Variants in CNTNAP2 observed in about 807,000 individuals in gnomAD.
CNTNAP2 encodes the protein contactin associated protein 2, also known as contactin-associated protein-like 2.
Under a neutral mutation model 155.2 loss-of-function variants are expected in CNTNAP2, and 98 were observed. The observed-to-expected ratio is 0.63, with a 90% CI of 0.54 to 0.75. CNTNAP2 has a LOEUF of 0.75. CNTNAP2 is among the 30% of genes least tolerant of loss of function. CNTNAP2 has a pLI of 0.00. For missense variants in CNTNAP2, 1,727 were observed against 1,688.1 expected (o/e 1.02, Z -0.40); for synonymous variants, 651 against 631.2 (o/e 1.03, Z -0.47).
intron 10 of CNTNAP2, among the ~76,000 whole-genome samples, chr7:147,418,897 G>A (rs772905814): frequency 5.9e-5 from 9 of 152,248 alleles, no homozygotes; most frequent in South Asian, 4.1e-4. Context: ...TATTCTCACC[G>A]GGGAACAAAG....
At chr7:148,025,586 A>G (rs1027090843) in intron 15 of CNTNAP2, among the ~76,000 whole-genome samples, 6 of 152,340 alleles carry the variant, frequency 3.9e-5, no homozygotes, top group Middle Eastern at 3.4e-3. Context: ...TTAACCCATC[A>G]GGCTGCTATA....
chr7:147,403,861 T>A (rs6948780), intron 10 of CNTNAP2, among the ~76,000 whole-genome samples: 99,361 of 151,980 alleles, frequency 0.65, 33,833 homozygotes, highest in African/African-American at 0.86. Context: ...AGTGATGGTT[T>A]TTATGACAGA....
chr7:147,500,626 C>A (rs1267675476), intron 11 of CNTNAP2, among the ~76,000 whole-genome samples: 1 of 152,152 alleles, frequency 6.6e-6, no homozygotes, highest in Non-Finnish European at 1.5e-5. Context: ...TGCACAAACA[C>A]ACACACATAC....
chr7:146,508,161 C>T (rs917304323), intron 1 of CNTNAP2, among the ~76,000 whole-genome samples: 2 of 152,206 alleles, frequency 1.3e-5, no homozygotes, highest in Non-Finnish European at 2.9e-5. Flanking sequence ...CCTCCTCTAA[C>T]ATCTTACTAG....
chr7:147,229,700 T>C (rs372748238), intron 8 of CNTNAP2, among the ~76,000 whole-genome samples: 43 of 152,212 alleles, frequency 2.8e-4, no homozygotes, highest in African/African-American at 9.6e-4. Context: ...GCATTGAAAA[T>C]ATGTTCTTGT....
chr7:146,981,393 C>G (rs1487338551), intron 3 of CNTNAP2, among the ~76,000 whole-genome samples: 1 of 151,974 alleles, frequency 6.6e-6, no homozygotes, highest in African/African-American at 2.4e-5. Context: ...AAATATAAAC[C>G]CTTTTTACTG....
intron 10 of CNTNAP2, among the ~76,000 whole-genome samples, chr7:147,433,983 TCTA>T (rs1797506980): frequency 6.6e-6 from 1 of 152,204 alleles, no homozygotes; most frequent in African/African-American, 2.4e-5. Context: ...AGAAGCTTTT[TCTA>T]CTTTGTATAA....
intron 9 of CNTNAP2, among the ~76,000 whole-genome samples, chr7:147,335,865 G>C (rs1025184966): frequency 7.8e-6 from 1 of 128,650 alleles, no homozygotes; most frequent in African/African-American, 2.7e-5. Context: ...CTGTACAAAT[G>C]TGATGTGAAA....
chr7:147,939,687 AG>A (rs966156613), intron 14 of CNTNAP2, among the ~76,000 whole-genome samples: 2 of 152,200 alleles, frequency 1.3e-5, no homozygotes, highest in African/African-American at 2.4e-5. Flanking sequence ...ACACATAAAA[AG>A]GAGGCCTTTA....
intron 1 of CNTNAP2, among the ~76,000 whole-genome samples, chr7:146,356,988 C>G (rs1408865202): frequency 3.9e-5 from 6 of 152,124 alleles, no homozygotes; most frequent in Non-Finnish European, 8.8e-5. Flanking sequence ...GCACAGCTTC[C>G]TTTCTGCAAA....
intron 1 of CNTNAP2, among the ~76,000 whole-genome samples, chr7:146,162,502 A>G (rs1798239827): frequency 1.3e-5 from 2 of 152,202 alleles, no homozygotes; most frequent in East Asian, 1.9e-4. Context: ...AAAAGTCAGG[A>G]AACAACAGGT....
chr7:146,397,962 T>C (rs1639487), intron 1 of CNTNAP2, among the ~76,000 whole-genome samples: 25,973 of 149,910 alleles, frequency 0.17, 3,488 homozygotes, highest in African/African-American at 0.38. Flanking sequence ...CAGCCTCAAA[T>C]TCTTGGGCTC....
At chr7:147,887,161 TC>T (rs1799615765) in intron 13 of CNTNAP2, among the ~76,000 whole-genome samples, 1 of 152,096 alleles carries the variant, frequency 6.6e-6, no homozygotes, top group Non-Finnish European at 1.5e-5. Flanking sequence ...ACAAAAGTGC[TC>T]CCCCATAAAC....
intron 1 of CNTNAP2, among the ~76,000 whole-genome samples, chr7:146,419,059 C>T (rs1795975201): frequency 6.6e-6 from 1 of 151,948 alleles, no homozygotes; most frequent in Non-Finnish European, 1.5e-5. Context: ...TTGGGGTATG[C>T]CTTTATTTTT....
intron 9 of CNTNAP2, among the ~76,000 whole-genome samples, chr7:147,305,573 A>G (rs1243886943): frequency 6.6e-6 from 1 of 152,226 alleles, no homozygotes; most frequent in African/African-American, 2.4e-5. Flanking sequence ...TCTATTGTTT[A>G]GAAGTTTGTT....
chr7:148,179,106 G>T (rs565971854), intron 18 of CNTNAP2, among the ~76,000 whole-genome samples: 1 of 152,326 alleles, frequency 6.6e-6, no homozygotes, highest in South Asian at 2.1e-4. Flanking sequence ...GACTGGTTTT[G>T]TCAATAGCGC....
intron 1 of CNTNAP2, among the ~76,000 whole-genome samples, chr7:146,334,290 G>A (rs1285572139): frequency 6.6e-6 from 1 of 152,108 alleles, no homozygotes; most frequent in Non-Finnish European, 1.5e-5. Flanking sequence ...AATGAGCTGG[G>A]CGTGGTGGCA....
At chr7:146,894,181 C>T (rs1795832527) in intron 3 of CNTNAP2, among the ~76,000 whole-genome samples, 1 of 152,100 alleles carries the variant, frequency 6.6e-6, no homozygotes, top group South Asian at 2.1e-4. Flanking sequence ...ATACTGTTTA[C>T]TGGAAAGGGC....
At chr7:146,752,201 A>G (rs1801917657) in intron 1 of CNTNAP2, among the ~76,000 whole-genome samples, 1 of 152,182 alleles carries the variant, frequency 6.6e-6, no homozygotes, top group South Asian at 2.1e-4. Context: ...GAATTGCCAC[A>G]CTGTCTTCCA....
Sources: allele counts gnomAD v4.1 joint callset (sites outside exome capture counted in the v4.1 genomes callset), GRCh38; gene constraint gnomAD v4.1.1; transcripts MANE v1.5; gene names NCBI Gene and HGNC (gene_info 2026-07-23, HGNC 2026-07-21).